The following NKAIN3 variants were observed in gnomAD, a reference collection of about 807,000 sequenced individuals.
The protein encoded by NKAIN3 is sodium/potassium-transporting ATPase subunit beta-1-interacting protein 3.
NKAIN3 carries 25 observed loss-of-function variants against 30.2 expected under a neutral mutation model. The observed-to-expected ratio is 0.83, with a 90% CI of 0.60 to 1.16. The LOEUF (loss-of-function observed/expected upper bound fraction) is 1.16, where lower values mean the gene tolerates loss of function less well. Ranked by LOEUF, NKAIN3 falls within the 50% of genes most tolerant of loss-of-function variation. The probability of loss-of-function intolerance (pLI) is 0.00; values close to 1 mark genes in which losing one functional copy is unlikely to be tolerated. For missense variants in NKAIN3, 225 were observed against 254.1 expected, an observed-to-expected ratio of 0.89 and a Z score of 0.78; for synonymous variants, 91 against 89.6, an observed-to-expected ratio of 1.02 and a Z score of -0.09.
chr8:62,290,822 C>T (rs74669333), intron 1 of NKAIN3, among the ~76,000 whole-genome samples: 2 of 152,228 alleles, frequency 1.3e-5, no homozygotes, highest in Middle Eastern at 3.4e-3. Context: ...GGTACCAGCT[C>T]CTCTTTGTAC....
In NKAIN3 at chr8:62,975,431, A is replaced by T. The variant is rs191669332; in HGVS notation, c.*10024A>T. ...CCAGGAATTTATCCATTTCTTCTAA[A>T]TTTTTTAGTTTATTTGGATAGAGTT... On this transcript the variant is annotated 3_prime_UTR_variant, in exon 7 of 7. Coordinates refer to ENST00000623646, the MANE Select transcript of NKAIN3 (RefSeq NM_001304533.3). Among the ~76,000 whole-genome samples, 188 of 152,122 alleles carry T rather than the reference A, an allele frequency of 1.2e-3. 1 individual carries two copies. Among genetic ancestry groups the T allele is most frequent in the Admixed American group, 2.1e-3 (32 of 15,282 alleles).
chr8:62,329,397 A>G (rs1815259943), intron 1 of NKAIN3, among the ~76,000 whole-genome samples: 1 of 152,146 alleles, frequency 6.6e-6, no homozygotes, highest in Non-Finnish European at 1.5e-5. Flanking sequence ...TTACATGGAT[A>G]AATTGTGTGA....
At chr8:62,410,906 C>A (rs1440011168) in intron 1 of NKAIN3, among the ~76,000 whole-genome samples, 1 of 152,068 alleles carries the variant, frequency 6.6e-6, no homozygotes, top group Admixed American at 6.6e-5. Context: ...AGTGAAACTG[C>A]CAACCAAAAA....
chr8:62,381,186 A>C (rs1817263969), intron 1 of NKAIN3, among the ~76,000 whole-genome samples: 1 of 152,110 alleles, frequency 6.6e-6, no homozygotes, highest in Non-Finnish European at 1.5e-5. Context: ...TGGATTATTA[A>C]TCAGTTTGCT....
chr8:62,811,191 A>G (rs1343551527), intron 4 of NKAIN3, among the ~76,000 whole-genome samples: 1 of 152,114 alleles, frequency 6.6e-6, no homozygotes, highest in Non-Finnish European at 1.5e-5. Flanking sequence ...TGCAGCATAT[A>G]TCAATCATTC....
intron 1 of NKAIN3, among the ~76,000 whole-genome samples, chr8:62,259,809 A>G (rs1019158516): frequency 2.6e-5 from 4 of 152,182 alleles, no homozygotes; most frequent in Non-Finnish European, 5.9e-5. Context: ...TCTGTTTGAC[A>G]CTGGTAAGAG....
intron 1 of NKAIN3, among the ~76,000 whole-genome samples, chr8:62,294,934 C>G (rs1405065414): frequency 6.6e-6 from 1 of 152,100 alleles, no homozygotes; most frequent in Non-Finnish European, 1.5e-5. Context: ...AACATACAAA[C>G]ACACATCTCT....
chr8:62,805,720 AC>A (rs1232552510), intron 4 of NKAIN3, among the ~76,000 whole-genome samples: 2 of 152,220 alleles, frequency 1.3e-5, no homozygotes. Flanking sequence ...CCTAGGCATT[AC>A]CATTCAGGAC....
chr8:62,357,107 T>C (rs2351677), intron 1 of NKAIN3, among the ~76,000 whole-genome samples: 141,696 of 151,790 alleles, frequency 0.93, 66,576 homozygotes, highest in East Asian at 1. Flanking sequence ...ATCTCAAAAA[T>C]AAAAAACAAA....
chr8:62,667,685 CCA>C (rs1177353113), intron 3 of NKAIN3, among the ~76,000 whole-genome samples: 7 of 152,024 alleles, frequency 4.6e-5, no homozygotes, highest in African/African-American at 7.3e-5. Context: ...CTCACCACAT[CCA>C]CAGTGATCTT....
At chr8:62,486,820 G>A (rs1021487078) in intron 1 of NKAIN3, among the ~76,000 whole-genome samples, 1 of 152,140 alleles carries the variant, frequency 6.6e-6, no homozygotes, top group Non-Finnish European at 1.5e-5. Flanking sequence ...CTTTTTCTGA[G>A]GAAAGACTGC....
chr8:62,834,886 A>T (rs2130750745), intron 4 of NKAIN3, among the ~76,000 whole-genome samples: 1 of 152,248 alleles, frequency 6.6e-6, no homozygotes, highest in East Asian at 1.9e-4. Flanking sequence ...ATCGTAAGCA[A>T]AAAGAACAAA....
intron 4 of NKAIN3, among the ~76,000 whole-genome samples, chr8:62,868,540 T>C (rs1563602675): frequency 6.6e-6 from 1 of 152,204 alleles, no homozygotes; most frequent in Non-Finnish European, 1.5e-5. Context: ...CAGACTAAAA[T>C]AATGATGATA....
intron 6 of NKAIN3, among the ~76,000 whole-genome samples, chr8:62,957,634 C>A (rs1460349726): frequency 6.6e-6 from 1 of 152,120 alleles, no homozygotes; most frequent in African/African-American, 2.4e-5. Flanking sequence ...AGGCTACATG[C>A]TATATAATTC....
intron 1 of NKAIN3, among the ~76,000 whole-genome samples, chr8:62,367,743 A>T (rs367872384): frequency 1.3e-5 from 2 of 152,282 alleles, no homozygotes; most frequent in African/African-American, 4.8e-5. Flanking sequence ...TAATCAGAGC[A>T]GTTAGGCAAG....
intron 5 of NKAIN3, among the ~76,000 whole-genome samples, chr8:62,993,655 T>G (rs1246686829): frequency 6.6e-6 from 1 of 152,186 alleles, no homozygotes; most frequent in African/African-American, 2.4e-5. Context: ...ACTCTTGTCC[T>G]TAGCCTCTGG....
chr8:62,988,240 C>A (rs1277730102), downstream of NKAIN3, among the ~76,000 whole-genome samples: 1 of 152,140 alleles, frequency 6.6e-6, no homozygotes, highest in Admixed American at 6.5e-5. Flanking sequence ...ATGCACAGTG[C>A]AATCTGTCAG....
At chr8:62,331,262 C>T (rs1226131463) in intron 1 of NKAIN3, among the ~76,000 whole-genome samples, 1 of 151,710 alleles carries the variant, frequency 6.6e-6, no homozygotes, top group East Asian at 1.9e-4. Flanking sequence ...CTCCTGTCCC[C>T]AGCTAACTCC....
intron 1 of NKAIN3, among the ~76,000 whole-genome samples, chr8:62,384,880 A>C (rs1200080457): frequency 6.6e-6 from 1 of 152,200 alleles, no homozygotes; most frequent in Admixed American, 6.6e-5. Context: ...ATCAAGTATA[A>C]ATCAAAGATG....
Sources: allele counts gnomAD v4.1 joint callset (sites outside exome capture counted in the v4.1 genomes callset), GRCh38; gene constraint gnomAD v4.1.1; transcripts MANE v1.5; gene names NCBI Gene and HGNC (gene_info 2026-07-23, HGNC 2026-07-21).